Variants in ZNF521 observed in about 807,000 individuals in gnomAD.
ZNF521 encodes the protein zinc finger protein 521, also known as LYST-interacting protein 3.
ZNF521 carries 14 observed loss-of-function variants against 105.5 expected under a neutral mutation model. The observed-to-expected ratio is 0.13, with a 90% CI of 0.09 to 0.21. The LOEUF is 0.21. ZNF521 is among the 10% of genes least tolerant of loss of function. ZNF521 has a pLI of 1.00. For synonymous variants in ZNF521, 635 were observed against 606.0 expected, an observed-to-expected ratio of 1.05 and a Z score of -0.70; for missense variants, 1,233 against 1,629.7, an observed-to-expected ratio of 0.76 and a Z score of 4.19.
At chr18:25,173,562 G>GT (rs767064435) in intron 5 of ZNF521, among the ~76,000 whole-genome samples, 5 of 152,162 alleles carry the variant, frequency 3.3e-5, no homozygotes, top group East Asian at 1.9e-4. Context: ...ATCTGTAAAT[G>GT]TATCATACAG....
chr18:25,248,955 T>C (rs1202610426), intron 3 of ZNF521, among the ~76,000 whole-genome samples: 1 of 152,224 alleles, frequency 6.6e-6, no homozygotes, highest in East Asian at 1.9e-4. Context: ...ATATTGAATA[T>C]GAGTTGTTCA....
chr18:25,191,223 T>C (rs2035812219), intron 5 of ZNF521, among the ~76,000 whole-genome samples: 1 of 152,174 alleles, frequency 6.6e-6, no homozygotes, highest in Non-Finnish European at 1.5e-5. Context: ...TCTAAGTATA[T>C]TTTAAAAAAT....
intron 3 of ZNF521, among the ~76,000 whole-genome samples, chr18:25,263,956 T>C (rs897407220): frequency 6.6e-6 from 1 of 152,242 alleles, no homozygotes; most frequent in Admixed American, 6.5e-5. Flanking sequence ...ATCACCATTA[T>C]ACCTGTGATA....
intron 3 of ZNF521, among the ~76,000 whole-genome samples, chr18:25,283,755 C>T (rs1910521473): frequency 6.6e-6 from 1 of 152,162 alleles, no homozygotes; most frequent in Non-Finnish European, 1.5e-5. Flanking sequence ...TGAATACCCC[C>T]ATCATCATTG....
intron 7 of ZNF521, among the ~76,000 whole-genome samples, chr18:25,085,699 G>A (rs754964107): frequency 6.7e-6 from 1 of 150,262 alleles, no homozygotes. Flanking sequence ...ATATATGGTG[G>A]CAAGTAATTT....
At chr18:25,128,732 A>ATAGACC (rs1423196284) in intron 5 of ZNF521, among the ~76,000 whole-genome samples, 1 of 152,048 alleles carries the variant, frequency 6.6e-6, no homozygotes, top group Non-Finnish European at 1.5e-5. Context: ...ATACCTACGT[A>ATAGACC]TAGACCTAAT....
intron 2 of ZNF521, among the ~76,000 whole-genome samples, chr18:25,344,290 T>C (rs375427304): frequency 7.2e-4 from 109 of 152,098 alleles, no homozygotes; most frequent in Non-Finnish European, 1.4e-3. Flanking sequence ...TGCATAATTA[T>C]TTAAACCATT....
chr18:25,134,001 C>T (rs184719370), intron 5 of ZNF521, among the ~76,000 whole-genome samples: 21 of 152,228 alleles, frequency 1.4e-4, no homozygotes, highest in African/African-American at 5.1e-4. Flanking sequence ...TTTTGTGCCA[C>T]AGAGTAATGA....
At chr18:25,078,131 A>G (rs974054851) in intron 7 of ZNF521, among the ~76,000 whole-genome samples, 2 of 152,126 alleles carry the variant, frequency 1.3e-5, no homozygotes, top group Admixed American at 1.3e-4. Flanking sequence ...GAAGAGGCCC[A>G]GGAGTTATTC....
rs566274888 is a variant in ZNF521, at chr18:25,215,105, A to G, written c.3573+9240T>C. Among the ~76,000 whole-genome samples, 30 of 152,338 alleles carry G rather than the reference A, an allele frequency of 2.0e-4. 1 individual carries two copies. In the South Asian group the frequency reaches 6.2e-3, roughly 32 times the overall value. On this transcript the variant is annotated intron_variant, in intron 4 of 7. Transcript: ENST00000361524. Reference sequence around the variant, plus strand: ...GGAGTTAAACAGAAGTTGAGAATTGAAACTTCATATTTTGCTTATTTGTAT... The same window carrying G: ...GGAGTTAAACAGAAGTTGAGAATTGGAACTTCATATTTTGCTTATTTGTAT...
chr18:25,119,793 C>T (rs113544559), intron 5 of ZNF521, among the ~76,000 whole-genome samples: 268 of 151,416 alleles, frequency 1.8e-3, no homozygotes, highest in Non-Finnish European at 2.6e-3. Context: ...GTAAATTAAA[C>T]GTAAATCAGT....
chr18:25,282,437 G>A (rs1001617516), intron 3 of ZNF521, among the ~76,000 whole-genome samples: 1 of 152,118 alleles, frequency 6.6e-6, no homozygotes, highest in Non-Finnish European at 1.5e-5. Context: ...AAGCCTTAGG[G>A]GAGGCAGCAC....
intron 3 of ZNF521, among the ~76,000 whole-genome samples, chr18:25,239,981 C>T (rs776035438): frequency 5.2e-4 from 79 of 151,352 alleles, no homozygotes; most frequent in Admixed American, 1.3e-3. Context: ...TTCAAGCCAT[C>T]TTATCTTATC....
chr18:25,321,419 C>T (rs1048031672), intron 3 of ZNF521, among the ~76,000 whole-genome samples: 1 of 152,164 alleles, frequency 6.6e-6, no homozygotes. Context: ...TTAATGAGTA[C>T]CTACTATAGG....
At chr18:25,253,991 G>A (rs1908298692) in intron 3 of ZNF521, among the ~76,000 whole-genome samples, 1 of 152,250 alleles carries the variant, frequency 6.6e-6, no homozygotes, top group African/African-American at 2.4e-5. Context: ...CATGAACAAG[G>A]TCTGATGCTG....
intron 2 of ZNF521, among the ~76,000 whole-genome samples, chr18:25,335,454 C>A (rs754337148): frequency 6.6e-6 from 1 of 152,192 alleles, no homozygotes; most frequent in Non-Finnish European, 1.5e-5. Flanking sequence ...CCATCCCCAG[C>A]CCTGGCTGAC....
intron 2 of ZNF521, among the ~76,000 whole-genome samples, chr18:25,331,657 T>C (rs1423039590): frequency 6.6e-6 from 1 of 152,204 alleles, no homozygotes; most frequent in Admixed American, 6.5e-5. Context: ...TTTTAGACAG[T>C]GCCAGTCAAA....
At chr18:25,348,079 A>C (rs1914540223) in intron 2 of ZNF521, among the ~76,000 whole-genome samples, 1 of 152,160 alleles carries the variant, frequency 6.6e-6, no homozygotes, top group African/African-American at 2.4e-5. Context: ...TTAATTGCAA[A>C]CCTATTAATC....
chr18:25,263,717 A>G (rs1225808475), intron 3 of ZNF521, among the ~76,000 whole-genome samples: 2 of 152,152 alleles, frequency 1.3e-5, no homozygotes, highest in African/African-American at 2.4e-5. Context: ...CTGGGACTAC[A>G]GGTGCACACT....
Sources: gnomAD v4.1 joint callset for allele counts (sites outside exome capture counted in the v4.1 genomes callset) on GRCh38, gnomAD v4.1.1 for gene constraint, MANE v1.5 for transcripts, NCBI Gene and HGNC (gene_info 2026-07-23, HGNC 2026-07-21) for gene names.